RSU1: variants seen among roughly 807,000 people sequenced by gnomAD.
The protein encoded by RSU1 is Ras suppressor protein 1.
RSU1 carries 26 observed loss-of-function variants against 31.1 expected under a neutral mutation model. The ratio of observed to expected loss-of-function variants is 0.84; its 90% CI spans 0.61 to 1.16. The LOEUF (loss-of-function observed/expected upper bound fraction) is 1.16, where lower values mean the gene tolerates loss of function less well. Ranked by LOEUF, RSU1 falls within the 50% of genes most tolerant of loss-of-function variation. The probability of loss-of-function intolerance (pLI) is 0.00; values close to 1 mark genes in which losing one functional copy is unlikely to be tolerated. For missense variants in RSU1, 320 were observed against 339.1 expected (o/e 0.94, Z 0.44); for synonymous variants, 164 against 136.3 (o/e 1.20, Z -1.41).
intron 8 of RSU1, among the ~76,000 whole-genome samples, chr10:16,604,936 G>A (rs1013930945): frequency 2.0e-5 from 3 of 152,148 alleles, no homozygotes; most frequent in African/African-American, 7.2e-5. Flanking sequence ...AAGTAGGAAG[G>A]ATGAGCCCAG....
intron 7 of RSU1, among the ~76,000 whole-genome samples, chr10:16,752,104 TTAAC>T (rs1836991437): frequency 1.3e-5 from 2 of 152,274 alleles, no homozygotes; most frequent in Non-Finnish European, 2.9e-5. Flanking sequence ...AACAACTACT[TTAAC>T]TATTTGGTAA....
intron 7 of RSU1, among the ~76,000 whole-genome samples, chr10:16,729,979 T>G (rs569866952): frequency 5.3e-5 from 8 of 152,278 alleles, no homozygotes; most frequent in African/African-American, 9.6e-5. Flanking sequence ...GAAAAGTGGT[T>G]TATTTGGCTC....
chr10:16,726,639 G>GT (rs1836402484), intron 7 of RSU1, among the ~76,000 whole-genome samples: 1 of 152,122 alleles, frequency 6.6e-6, no homozygotes, highest in Admixed American at 6.5e-5. Context: ...TGACTGAAAT[G>GT]TTTTTAGCTT....
chr10:16,593,308 T>C lies in RSU1; in HGVS notation c.*86A>G, dbSNP rs866330250. ...AATAAAAAAGGCCTCACACGCAGCATTGGGTTTATTTGAGAGACAGGGCAA... is the reference window on the plus strand; with the variant it reads ...AATAAAAAAGGCCTCACACGCAGCACTGGGTTTATTTGAGAGACAGGGCAA... On this transcript the variant is annotated 3_prime_UTR_variant, in exon 9 of 9. Transcript: ENST00000345264. 3.3e-5 allele frequency: 53 copies of C among 1,592,084 alleles called. No individual in the cohort carries two copies. In the Middle Eastern group the frequency reaches 2.2e-3, roughly 66 times the overall value.
At chr10:16,597,069 C>G (rs1429586565) in intron 8 of RSU1, among the ~76,000 whole-genome samples, 2 of 152,144 alleles carry the variant, frequency 1.3e-5, no homozygotes, top group Non-Finnish European at 2.9e-5. Flanking sequence ...CTGTTCATGC[C>G]CATGGAAACC....
intron 8 of RSU1, among the ~76,000 whole-genome samples, chr10:16,611,262 G>A (rs545573172): frequency 6.6e-6 from 1 of 152,312 alleles, no homozygotes; most frequent in South Asian, 2.1e-4. Context: ...CATTGCCAGG[G>A]AAGACGGGCT....
chr10:16,599,150 G>A (rs1833671500), intron 8 of RSU1, among the ~76,000 whole-genome samples: 1 of 152,204 alleles, frequency 6.6e-6, no homozygotes. Flanking sequence ...GACTACAGAG[G>A]ACAGAACAGT....
Position 16,807,489 on chromosome 10 carries a change from AAATG to A in RSU1, c.109+9480_109+9483del, listed in dbSNP as rs578025146. On this transcript the variant is annotated intron_variant, in intron 2 of 8. Transcript: ENST00000345264. The stretch of plus-strand genomic sequence containing the variant: ...ATGTTCTAAGTTTGAAGACAAAAGA[AAATG>A]AATTAACATACGGTATACAAAGATC... 2.2e-3 allele frequency among the ~76,000 whole-genome samples: 332 copies of A among 152,294 alleles called. 2 individuals carry two copies. The highest frequency in any genetic ancestry group is 6.9e-3 in the African/African-American group (285 of 41,524).
intron 8 of RSU1, among the ~76,000 whole-genome samples, chr10:16,653,495 C>T (rs1236756595): frequency 1.3e-5 from 2 of 152,084 alleles, no homozygotes; most frequent in African/African-American, 4.8e-5. Flanking sequence ...ATAAATGTGC[C>T]GGGATGTGCT....
chr10:16,741,598 C>T (rs12246867), intron 7 of RSU1, among the ~76,000 whole-genome samples: 1,590 of 152,132 alleles, frequency 0.01, 19 homozygotes, highest in African/African-American at 0.036. Flanking sequence ...TTATTGACAG[C>T]GGCTCATGAG....
At chr10:16,665,336 A>T (rs1312195236) in intron 8 of RSU1, among the ~76,000 whole-genome samples, 2 of 152,216 alleles carry the variant, frequency 1.3e-5, no homozygotes, top group African/African-American at 4.8e-5. Flanking sequence ...TTTACAGATG[A>T]GATAACTGGT....
chr10:16,805,320 C>T lies in RSU1; in HGVS notation c.109+11653G>A, dbSNP rs1035073687. 2.6e-5 allele frequency among the ~76,000 whole-genome samples: 4 copies of T among 152,258 alleles called. No homozygotes were observed. In the South Asian group the frequency reaches 6.2e-4, roughly 24 times the overall value. ...CTAGGAACGGGGGATGGAGGAGAGA[C>T]GTGGATCTGTACTTCCTGCTCCAGC... On this transcript the variant is annotated intron_variant, in intron 2 of 8. Transcript: ENST00000345264.
intron 7 of RSU1, among the ~76,000 whole-genome samples, chr10:16,742,610 T>C (rs74125862): frequency 6.9e-6 from 1 of 144,796 alleles, no homozygotes; most frequent in African/African-American, 2.5e-5. Flanking sequence ...CTCTGGAATT[T>C]AAAAAAAAAA....
rs143750713 is a variant in RSU1, at chr10:16,607,459, T to C, written c.732-13963A>G. ...AGAGTGCAGGGCAGAGAATGGTGAA[T>C]TGGAATTCAGAAGGCTTTGGGATTA... On this transcript the variant is annotated intron_variant, in intron 8 of 8. Coordinates refer to ENST00000345264, the MANE Select transcript of RSU1 (RefSeq NM_012425.4). Among the ~76,000 whole-genome samples the C allele has an allele frequency of 3.3e-5, 5 of 152,312 alleles. No individual in the cohort carries two copies. In the East Asian group the frequency reaches 7.7e-4, roughly 23 times the overall value.
At chr10:16,746,486 G>A (rs985827785) in intron 7 of RSU1, among the ~76,000 whole-genome samples, 3 of 152,136 alleles carry the variant, frequency 2.0e-5, no homozygotes, top group Admixed American at 1.3e-4. Flanking sequence ...AACCAGAAAC[G>A]ATTCCAATTC....
At chr10:16,655,338 G>A (rs1363596502) in intron 8 of RSU1, among the ~76,000 whole-genome samples, 3 of 152,116 alleles carry the variant, frequency 2.0e-5, no homozygotes, top group Non-Finnish European at 4.4e-5. Flanking sequence ...TTAAGAGCAC[G>A]GGCTTGGGAC....
chr10:16,618,943 T>C (rs1475824166), intron 8 of RSU1, among the ~76,000 whole-genome samples: 4 of 152,178 alleles, frequency 2.6e-5, no homozygotes, highest in Non-Finnish European at 5.9e-5. Flanking sequence ...TGTATACCTA[T>C]GTAACAAACC....
At chr10:16,710,123 T>A (rs143805052) in intron 7 of RSU1, among the ~76,000 whole-genome samples, 225 of 152,328 alleles carry the variant, frequency 1.5e-3, no homozygotes, top group African/African-American at 4.9e-3. Context: ...CTTTTCCTCA[T>A]TCAGTATGAT....
At chr10:16,727,631 C>T (rs1000269211) in intron 7 of RSU1, among the ~76,000 whole-genome samples, 1 of 152,154 alleles carries the variant, frequency 6.6e-6, no homozygotes, top group African/African-American at 2.4e-5. Context: ...TTTTTCACTC[C>T]GGATCCATAG....
Sources: gnomAD v4.1 joint callset for allele counts (sites outside exome capture counted in the v4.1 genomes callset) on GRCh38, gnomAD v4.1.1 for gene constraint, MANE v1.5 for transcripts, NCBI Gene and HGNC (gene_info 2026-07-23, HGNC 2026-07-21) for gene names.